Variants in ZNF385D observed in about 807,000 individuals in gnomAD.
The protein encoded by ZNF385D is zinc finger protein 385D, also known as zinc finger protein 659.
Under a neutral mutation model 35.8 loss-of-function variants are expected in ZNF385D, and 15 were observed. The observed-to-expected ratio is 0.42, with a 90% CI of 0.28 to 0.64. The LOEUF is 0.64. Ranked by LOEUF, ZNF385D falls within the 30% of genes least tolerant of loss-of-function variation. The pLI, the probability that ZNF385D is intolerant of heterozygous loss-of-function variation, is 0.23. For missense variants in ZNF385D, 474 were observed against 494.6 expected (o/e 0.96, Z 0.39); for synonymous variants, 212 against 186.8 (o/e 1.13, Z -1.10).
chr3:21,997,636 G>T (rs893064302), intron 3 of ZNF385D, among the ~76,000 whole-genome samples: 25 of 151,786 alleles, frequency 1.6e-4, no homozygotes, highest in Admixed American at 1.3e-3. Context: ...TGTTTCATGT[G>T]TTTGCATATC....
intron 2 of ZNF385D, among the ~76,000 whole-genome samples, chr3:22,270,901 A>G (rs971402735): frequency 6.6e-6 from 1 of 152,046 alleles, no homozygotes; most frequent in Admixed American, 6.6e-5. Context: ...AATATCACAC[A>G]AACTTCTTAC....
At chr3:22,119,064 G>C (rs957548765) in intron 3 of ZNF385D, among the ~76,000 whole-genome samples, 2 of 152,050 alleles carry the variant, frequency 1.3e-5, no homozygotes, top group Non-Finnish European at 2.9e-5. Flanking sequence ...TAAATATAAA[G>C]GAATCAAGTC....
intron 2 of ZNF385D, among the ~76,000 whole-genome samples, chr3:22,181,681 G>C (rs1695284068): frequency 7.3e-6 from 1 of 137,926 alleles, no homozygotes; most frequent in Non-Finnish European, 1.5e-5. Context: ...CTGGGCGAAA[G>C]AGTGAGACTC....
At position 22,044,385 on chromosome 3, in the gene ZNF385D, G is replaced by T. The variant is rs538876895; in HGVS notation, c.325+124432C>A. 1.4e-4 allele frequency among the ~76,000 whole-genome samples: 22 copies of T among 152,184 alleles called. No individual in the cohort carries two copies. In the South Asian group the frequency reaches 4.4e-3, roughly 30 times the overall value. ...TCGAATCACATCCCAAACTGGCCTA[G>T]ATCTGAGCACCCTTTGGCCCACTGT... is the stretch of plus-strand genomic sequence containing the variant. On this transcript the variant is annotated intron_variant, in intron 3 of 5. Transcript: ENST00000494108.
At chr3:21,488,611 T>A (rs1265967467) in intron 4 of ZNF385D, among the ~76,000 whole-genome samples, 1 of 152,114 alleles carries the variant, frequency 6.6e-6, no homozygotes, top group Non-Finnish European at 1.5e-5. Context: ...TGAATTTGAC[T>A]CTCTCTGTGA....
At chr3:21,894,048 T>G (rs1699010908) in intron 3 of ZNF385D, among the ~76,000 whole-genome samples, 6 of 152,184 alleles carry the variant, frequency 3.9e-5, no homozygotes, top group Admixed American at 3.9e-4. Flanking sequence ...CTTGTTTCTG[T>G]GTCTCGAGGC....
At chr3:22,031,253 T>G (rs1222284414) in intron 3 of ZNF385D, among the ~76,000 whole-genome samples, 1 of 152,226 alleles carries the variant, frequency 6.6e-6, no homozygotes, top group Non-Finnish European at 1.5e-5. Context: ...AGTGCCCCAG[T>G]AGGGATTCTG....
At chr3:22,234,390 T>C (rs562506341) in intron 2 of ZNF385D, among the ~76,000 whole-genome samples, 1 of 152,248 alleles carries the variant, frequency 6.6e-6, no homozygotes, top group African/African-American at 2.4e-5. Context: ...TTTGGCAATC[T>C]CTTCCTCTGT....
intron 3 of ZNF385D, among the ~76,000 whole-genome samples, chr3:22,072,739 AG>A (rs1700287280): frequency 6.6e-6 from 1 of 151,962 alleles, no homozygotes; most frequent in South Asian, 2.1e-4. Context: ...CAGACAAGGA[AG>A]AAAAAAGAAG....
chr3:22,318,070 A>C (rs1454485920), intron 2 of ZNF385D, among the ~76,000 whole-genome samples: 1 of 152,098 alleles, frequency 6.6e-6, no homozygotes, highest in Non-Finnish European at 1.5e-5. Flanking sequence ...AAAGAAAAAA[A>C]AAAAAATGTG....
intron 3 of ZNF385D, among the ~76,000 whole-genome samples, chr3:21,905,216 A>AAAAAC (rs1553696219): frequency 8.0e-5 from 12 of 149,452 alleles, no homozygotes; most frequent in Non-Finnish European, 1.6e-4. Context: ...AAAAAAAAAA[A>AAAAAC]AAAAAAAAAA....
In ZNF385D at chr3:22,022,981, A is replaced by C. The variant is rs369781126; in HGVS notation, c.325+145836T>G. On this transcript the variant is annotated intron_variant, in intron 3 of 5. Coordinates refer to the ZNF385D transcript ENST00000494108. ...GAAAATAAAAATTGGGAGTCTAAAG[A>C]AGGCAAATAAACAGAACACAAAATA... is the stretch of plus-strand genomic sequence containing the variant. Among the ~76,000 whole-genome samples, 10 of 152,290 alleles carry C rather than the reference A, an allele frequency of 6.6e-5. No homozygotes were observed. The South Asian group carries it at 2.1e-3, about 32-fold the overall frequency.
chr3:21,732,030 G>GTTTTTTTTTTTTTTTTTTTTTTTT lies in ZNF385D; in HGVS notation c.22+18841_22+18864dup, dbSNP rs1214143626. ...TTCAGGGTTTTTTTCTTTTTTCGGG[G>GTTTTTTTTTTTTTTTTTTTTTTTT]TTTTTTTTTTTTTTTTTTTTTTTTT... On this transcript the variant is annotated intron_variant, in intron 1 of 7. Coordinates refer to ENST00000281523, the MANE Select transcript of ZNF385D (RefSeq NM_024697.3). Among the ~76,000 whole-genome samples the GTTTTTTTTTTTTTTTTTTTTTTTT allele has an allele frequency of 1.1e-4, 4 of 37,370 alleles. 1 individual carries two copies. The highest frequency in any genetic ancestry group is 2.2e-4 in the Non-Finnish European group (4 of 17,924). 24.5% of individuals were successfully genotyped at this position (37,370 alleles called of 152,430 possible). A position where few individuals can be genotyped will look rare whatever the true frequency, so the allele number is the denominator to read the frequency against.
intron 1 of ZNF385D, among the ~76,000 whole-genome samples, chr3:21,724,108 T>A (rs1559554116): frequency 2.0e-5 from 3 of 151,964 alleles, no homozygotes; most frequent in Non-Finnish European, 4.4e-5. Context: ...GCTGAGAGAT[T>A]TTTGTCACCA....
intron 2 of ZNF385D, among the ~76,000 whole-genome samples, chr3:21,602,215 A>G (rs233134): frequency 0.28 from 42,553 of 151,868 alleles, 6,939 homozygotes; most frequent in Non-Finnish European, 0.38. Flanking sequence ...CCATGATTCA[A>G]TTATCTCCAT....
intron 3 of ZNF385D, among the ~76,000 whole-genome samples, chr3:21,818,352 AC>A (rs752571619): frequency 1.1e-4 from 16 of 152,164 alleles, no homozygotes; most frequent in Non-Finnish European, 2.2e-4. Flanking sequence ...TACTTAAGAG[AC>A]CTATTGACTA....
intron 3 of ZNF385D, among the ~76,000 whole-genome samples, chr3:21,869,611 T>C (rs1482426995): frequency 6.6e-6 from 1 of 152,132 alleles, no homozygotes; most frequent in Non-Finnish European, 1.5e-5. Flanking sequence ...TTAAAATGTA[T>C]TACATGTTCT....
intron 2 of ZNF385D, among the ~76,000 whole-genome samples, chr3:21,590,491 A>G (rs1489784911): frequency 6.6e-6 from 1 of 152,194 alleles, no homozygotes; most frequent in Non-Finnish European, 1.5e-5. Context: ...TATTGAAGAA[A>G]GCAAAATGAG....
chr3:21,853,090 T>C (rs1227353305), intron 3 of ZNF385D, among the ~76,000 whole-genome samples: 17 of 151,666 alleles, frequency 1.1e-4, no homozygotes, highest in Admixed American at 1.1e-3. Context: ...TCAAAGAAAT[T>C]GAAAAGAGTG....
Sources: allele counts gnomAD v4.1 joint callset (sites outside exome capture counted in the v4.1 genomes callset), GRCh38; gene constraint gnomAD v4.1.1; transcripts MANE v1.5; gene names NCBI Gene and HGNC (gene_info 2026-07-23, HGNC 2026-07-21).